KCNH8: variants seen among roughly 807,000 people sequenced by gnomAD.
The protein encoded by KCNH8 is potassium voltage-gated channel subfamily H member 8, also known as voltage-gated delayed rectifier potassium channel KCNH8.
A neutral mutation model predicts 103.6 loss-of-function variants in KCNH8; 70 were observed. That is an observed-to-expected ratio of 0.68 (90% CI 0.56 to 0.82). The LOEUF (loss-of-function observed/expected upper bound fraction) is 0.82, where lower values mean the gene tolerates loss of function less well. Ranked by LOEUF, KCNH8 falls within the 40% of genes least tolerant of loss-of-function variation. The probability of loss-of-function intolerance (pLI) is 0.00; values close to 1 mark genes in which losing one functional copy is unlikely to be tolerated. For synonymous variants in KCNH8, 498 were observed against 489.4 expected (o/e 1.02, Z -0.23); for missense variants, 1,217 against 1,329.9 (o/e 0.92, Z 1.32).
chr3:19,159,532 T>C (rs1180046256), intron 1 of KCNH8, among the ~76,000 whole-genome samples: 2 of 152,084 alleles, frequency 1.3e-5, no homozygotes, highest in African/African-American at 4.8e-5. Context: ...TAAGGCATTG[T>C]TATTCATTGT....
rs537999336 is a variant in KCNH8, at chr3:19,495,602, C to T, written c.2041-14761C>T. Among the ~76,000 whole-genome samples the T allele has an allele frequency of 4.6e-5, 7 of 152,288 alleles. No homozygotes were observed. The South Asian group carries it at 1.2e-3, about 27-fold the overall frequency. On this transcript the variant is annotated intron_variant, in intron 11 of 15. Transcript: ENST00000328405. ...TACAAGGACCCTGCTATTTTGGTTA[C>T]TGTAGCCTTGTAATATAGCTTGAAG... is the stretch of plus-strand genomic sequence containing the variant.
chr3:19,528,321 G>A (rs530835924), intron 15 of KCNH8, among the ~76,000 whole-genome samples: 1 of 152,110 alleles, frequency 6.6e-6, no homozygotes, highest in Admixed American at 6.6e-5. Context: ...CATTCATAAT[G>A]TAGTTATGAG....
At chr3:19,374,698 C>T (rs1335722602) in intron 5 of KCNH8, among the ~76,000 whole-genome samples, 1 of 151,974 alleles carries the variant, frequency 6.6e-6, no homozygotes, top group Non-Finnish European at 1.5e-5. Flanking sequence ...TCTTCCTAGT[C>T]TCGATGGTCT....
chr3:19,261,099 C>G (rs978116956), intron 2 of KCNH8, among the ~76,000 whole-genome samples: 4 of 150,350 alleles, frequency 2.7e-5, no homozygotes, highest in Non-Finnish European at 5.9e-5. Flanking sequence ...ATATCTTTTT[C>G]TTTTAATATA....
intron 3 of KCNH8, among the ~76,000 whole-genome samples, chr3:19,295,383 CAAAT>C (rs554786703): frequency 0.1 from 14,783 of 145,294 alleles, 968 homozygotes; most frequent in East Asian, 0.19. Flanking sequence ...GACCCTGTCT[CAAAT>C]AAATAAATAA....
At chr3:19,291,613 T>C (rs2064927363) in intron 3 of KCNH8, among the ~76,000 whole-genome samples, 1 of 152,176 alleles carries the variant, frequency 6.6e-6, no homozygotes, top group Non-Finnish European at 1.5e-5. Context: ...GAGAGACAGT[T>C]TGTTATAATT....
intron 15 of KCNH8, among the ~76,000 whole-genome samples, chr3:19,518,666 C>T (rs756513769): frequency 6.6e-6 from 1 of 151,852 alleles, no homozygotes; most frequent in East Asian, 1.9e-4. Flanking sequence ...TTATTGAATC[C>T]ATCATCTATA....
chr3:19,195,808 C>T (rs957653145), intron 1 of KCNH8, among the ~76,000 whole-genome samples: 18 of 151,912 alleles, frequency 1.2e-4, no homozygotes, highest in East Asian at 1.9e-4. Flanking sequence ...GATGTAGCTT[C>T]GATGTCAGTG....
intron 2 of KCNH8, among the ~76,000 whole-genome samples, chr3:19,264,044 G>T (rs970022517): frequency 6.6e-6 from 1 of 151,958 alleles, no homozygotes; most frequent in Non-Finnish European, 1.5e-5. Context: ...CTGAGACTTT[G>T]CATGCCCTCA....
intron 5 of KCNH8, among the ~76,000 whole-genome samples, chr3:19,352,957 T>A (rs879943429): frequency 6.6e-5 from 10 of 151,438 alleles, no homozygotes; most frequent in Non-Finnish European, 1.0e-4. Flanking sequence ...TGTTTTTTTT[T>A]AAAAGATCAA....
chr3:19,160,957 AGAAAGTGCTTCCTTTAAGTAAAAAAGT>A (rs1559402570), intron 1 of KCNH8, among the ~76,000 whole-genome samples: 1 of 152,166 alleles, frequency 6.6e-6, no homozygotes, highest in Non-Finnish European at 1.5e-5. Flanking sequence ...AAAAGAAGTC[AGAAAGTGCTTCCTTTAAGTAAAAAAGT>A]GAAAGTGCTT....
chr3:19,494,957 G>T (rs568777627), intron 11 of KCNH8, among the ~76,000 whole-genome samples: 1 of 152,224 alleles, frequency 6.6e-6, no homozygotes, highest in African/African-American at 2.4e-5. Flanking sequence ...TAGTGATGAT[G>T]AGCATTTTTT....
chr3:19,514,872 C>T (rs2068846963), intron 13 of KCNH8, among the ~76,000 whole-genome samples: 1 of 151,790 alleles, frequency 6.6e-6, no homozygotes, highest in Non-Finnish European at 1.5e-5. Context: ...AAAAGAGCCT[C>T]TGTCTACAAC....
intron 1 of KCNH8, among the ~76,000 whole-genome samples, chr3:19,192,259 T>G (rs2063560269): frequency 6.6e-6 from 1 of 151,700 alleles, no homozygotes; most frequent in Admixed American, 6.6e-5. Context: ...TGCCCACTCT[T>G]GGAGTCTCTC....
intron 1 of KCNH8, among the ~76,000 whole-genome samples, chr3:19,157,111 C>G (rs1388706882): frequency 6.6e-6 from 1 of 151,832 alleles, no homozygotes; most frequent in Non-Finnish European, 1.5e-5. Flanking sequence ...ACTTACCAGT[C>G]TTACCATGTT....
intron 10 of KCNH8, 46 bp from the exon 11 acceptor site, chr3:19,456,721 TA>T: frequency 7.4e-7 from 1 of 1,355,620 alleles, no homozygotes; most frequent in Non-Finnish European, 1.1e-6. Flanking sequence ...TTATCAGTCC[TA>T]AGCTTGCTTT....
intron 7 of KCNH8, among the ~76,000 whole-genome samples, chr3:19,405,025 T>G (rs898960283): frequency 6.6e-6 from 1 of 151,834 alleles, no homozygotes; most frequent in African/African-American, 2.4e-5. Context: ...AGATAAATAT[T>G]AGGAAAAACA....
intron 2 of KCNH8, among the ~76,000 whole-genome samples, chr3:19,257,299 A>C (rs565607083): frequency 1.5e-4 from 23 of 152,054 alleles, no homozygotes; most frequent in Non-Finnish European, 2.4e-4. Context: ...CTTACAGAAA[A>C]AGTGATATGG....
At chr3:19,306,398 G>C (rs2065130845) in intron 3 of KCNH8, among the ~76,000 whole-genome samples, 1 of 152,054 alleles carries the variant, frequency 6.6e-6, no homozygotes, top group South Asian at 2.1e-4. Flanking sequence ...ATTTAAAGTA[G>C]ACTTCATATA....
Sources: allele counts gnomAD v4.1 joint callset (sites outside exome capture counted in the v4.1 genomes callset), GRCh38; gene constraint gnomAD v4.1.1; transcripts MANE v1.5; gene names NCBI Gene and HGNC (gene_info 2026-07-23, HGNC 2026-07-21).